The following COL11A1 variants were observed in gnomAD, a reference collection of about 807,000 sequenced individuals.
COL11A1 encodes the protein collagen alpha-1(XI) chain.
COL11A1 carries 74 observed loss-of-function variants against 265.2 expected under a neutral mutation model. That is an observed-to-expected ratio of 0.28 (90% confidence interval 0.23 to 0.34). The LOEUF (loss-of-function observed/expected upper bound fraction) is 0.34. COL11A1 is among the 10% of genes least tolerant of loss of function. The probability of loss-of-function intolerance (pLI) is 1.00; values close to 1 mark genes in which losing one functional copy is unlikely to be tolerated. For missense variants in COL11A1, 2,165 were observed against 2,263.6 expected (o/e 0.96, Z 0.88); for synonymous variants, 816 against 727.6 (o/e 1.12, Z -1.96).
chr1:102,912,326 A>G (rs910114379), intron 53 of COL11A1, 114 bp from the exon 54 acceptor site: 1 of 780,648 alleles, frequency 1.3e-6, no homozygotes, highest in African/African-American at 1.8e-5. Context: ...ACATGTCAAT[A>G]TTTCCTGGAA....
intron 4 of COL11A1, among the ~76,000 whole-genome samples, chr1:103,046,685 C>T (rs1338623197): frequency 1.3e-5 from 2 of 151,278 alleles, no homozygotes; most frequent in African/African-American, 4.9e-5. Flanking sequence ...TTGCCCGTGC[C>T]TATGTCCTGA....
chr1:103,106,561 C>CA (rs1160694011), intron 1 of COL11A1, among the ~76,000 whole-genome samples: 9 of 152,088 alleles, frequency 5.9e-5, no homozygotes, highest in Non-Finnish European at 1.2e-4. Context: ...GACCAGGTAC[C>CA]AAAAGTAAAA....
chr1:103,013,890 T>C (rs1328384149), intron 13 of COL11A1, among the ~76,000 whole-genome samples: 2 of 152,028 alleles, frequency 1.3e-5, no homozygotes, highest in Non-Finnish European at 2.9e-5. Context: ...TATATTCTAA[T>C]TTCAATGAAA....
At chr1:103,072,999 A>T (rs1408068962) in intron 4 of COL11A1, among the ~76,000 whole-genome samples, 5 of 151,830 alleles carry the variant, frequency 3.3e-5, no homozygotes, top group African/African-American at 1.2e-4. Context: ...AACTACACTT[A>T]ATAGTAAATA....
chr1:103,073,187 C>T (rs35595325), intron 4 of COL11A1, among the ~76,000 whole-genome samples: 5,705 of 151,752 alleles, frequency 0.038, 124 homozygotes, highest in Middle Eastern at 0.092. Context: ...GAAGTTACTC[C>T]AGGATTCAGA....
At chr1:102,961,712 G>A (rs1209709661) in intron 41 of COL11A1, 154 bp downstream of exon 41, 1 of 681,704 alleles carries the variant, frequency 1.5e-6, no homozygotes. Flanking sequence ...ATTCATTAGT[G>A]CATGCAATTA....
At chr1:103,045,584 CAA>C (rs1208529301) in intron 4 of COL11A1, among the ~76,000 whole-genome samples, 2 of 151,890 alleles carry the variant, frequency 1.3e-5, no homozygotes, top group African/African-American at 4.8e-5. Context: ...CTTACTTAAA[CAA>C]TAATTTAAAT....
At chr1:102,946,717 C>G in intron 42 of COL11A1, 132 bp downstream of exon 42, 2 of 742,308 alleles carry the variant, frequency 2.7e-6, no homozygotes, top group Non-Finnish European at 4.7e-6. Context: ...CATATACGAG[C>G]CAGGGTATTT....
chr1:103,002,522 T>A lies in COL11A1; in HGVS notation c.2044-41A>T. ...ATAAAAAGTTTTTAATGGGCTATATTACACAATAGATTTTTGTTCTTCTCA... is the reference window on the plus strand; with the variant it reads ...ATAAAAAGTTTTTAATGGGCTATATAACACAATAGATTTTTGTTCTTCTCA... On this transcript the variant is annotated intron_variant, in intron 22 of 66. Transcript: ENST00000370096. The A allele has an allele frequency of 1.3e-6, 2 of 1,513,094 alleles. 1 individual carries two copies. The highest frequency in any genetic ancestry group is 2.4e-5 in the South Asian group (2 of 85,018). 93.7% of individuals were successfully genotyped at this position (1,513,094 alleles called of 1,614,324 possible). A position where few individuals can be genotyped will look rare whatever the true frequency, so the allele number is the denominator to read the frequency against.
intron 62 of COL11A1, among the ~76,000 whole-genome samples, chr1:102,888,166 A>C (rs569690631): frequency 5.3e-5 from 8 of 152,296 alleles, no homozygotes; most frequent in African/African-American, 1.9e-4. Context: ...TTTTAGTATT[A>C]ATAAAGTGGT....
rs1294729045 is a variant in COL11A1 at position 103,038,494 on chromosome 1, G to A, written c.652-7250C>T. ...CCAAAAAGAGAGAGAGCGAGAGAGAGAGAGAGAAGTATATATAGTGCAGCA... is the reference window on the plus strand; with the variant it reads ...CCAAAAAGAGAGAGAGCGAGAGAGAAAGAGAGAAGTATATATAGTGCAGCA... On this transcript the variant is annotated intron_variant, in intron 4 of 66. Coordinates refer to ENST00000370096, the MANE Select transcript of COL11A1 (RefSeq NM_001854.4). 2.0e-5 allele frequency among the ~76,000 whole-genome samples: 3 copies of A among 152,114 alleles called. No individual in the cohort carries two copies. The South Asian group carries it at 6.2e-4, about 32-fold the overall frequency.
intron 14 of COL11A1, among the ~76,000 whole-genome samples, chr1:103,011,342 C>CTT (rs1463028791): frequency 1.1e-4 from 16 of 151,986 alleles, no homozygotes; most frequent in African/African-American, 3.9e-4. Flanking sequence ...TGATAAAATA[C>CTT]ATGATAAACA....
At chr1:102,984,264 T>G (rs1663324461) in intron 30 of COL11A1, 73 bp from the exon 31 acceptor site, 2 of 1,019,812 alleles carry the variant, frequency 2.0e-6, no homozygotes, top group Non-Finnish European at 2.9e-6. Flanking sequence ...TTTCAATTTT[T>G]TTTAAATATT....
At chr1:102,939,971 G>T (rs12565584) in intron 43 of COL11A1, among the ~76,000 whole-genome samples, 2 of 152,120 alleles carry the variant, frequency 1.3e-5, no homozygotes, top group East Asian at 3.9e-4. Context: ...AAGTCTTATT[G>T]TACAATATCC....
intron 53 of COL11A1, among the ~76,000 whole-genome samples, chr1:102,913,207 C>T (rs1312083395): frequency 6.7e-6 from 1 of 150,238 alleles, no homozygotes; most frequent in Non-Finnish European, 1.5e-5. Context: ...GTATCATTCA[C>T]AAGTTTTTTT....
chr1:102,949,092 A>G (rs938367774), intron 41 of COL11A1, among the ~76,000 whole-genome samples: 1 of 152,134 alleles, frequency 6.6e-6, no homozygotes, highest in Admixed American at 6.5e-5. Context: ...AGTCAGTAAT[A>G]AAAGTGCTCC....
At chr1:103,079,021 C>T in intron 2 of COL11A1, 150 bp from the exon 3 acceptor site, 4 of 637,928 alleles carry the variant, frequency 6.3e-6, no homozygotes, top group South Asian at 5.8e-5. Flanking sequence ...AATAGGGGTC[C>T]TCCATTAAGG....
intron 4 of COL11A1, among the ~76,000 whole-genome samples, chr1:103,040,186 C>T (rs1351839494): frequency 6.6e-6 from 1 of 151,682 alleles, no homozygotes; most frequent in African/African-American, 2.4e-5. Flanking sequence ...TGTAATCCTA[C>T]TTCATGTCGA....
At chr1:103,008,183 C>G (rs925053731) in intron 15 of COL11A1, among the ~76,000 whole-genome samples, 7 of 152,088 alleles carry the variant, frequency 4.6e-5, no homozygotes, top group African/African-American at 1.7e-4. Flanking sequence ...TTCATATAGT[C>G]TAATATCAGT....
Sources: allele counts gnomAD v4.1 joint callset (sites outside exome capture counted in the v4.1 genomes callset), GRCh38; gene constraint gnomAD v4.1.1; transcripts MANE v1.5; gene names NCBI Gene and HGNC (gene_info 2026-07-23, HGNC 2026-07-21).